Variants in ZNF366 observed in about 807,000 individuals in gnomAD.
The protein encoded by ZNF366 is zinc finger protein 366.
ZNF366 carries 20 observed loss-of-function variants against 47.2 expected under a neutral mutation model. The ratio of observed to expected loss-of-function variants is 0.42; its 90% CI spans 0.30 to 0.62. The LOEUF is 0.62. Ranked by LOEUF, ZNF366 falls within the 20% of genes least tolerant of loss-of-function variation. ZNF366 has a pLI of 0.16. For synonymous variants in ZNF366, 421 were observed against 395.1 expected (o/e 1.07, Z -0.78); for missense variants, 987 against 976.3 (o/e 1.01, Z -0.15).
intron 1 of ZNF366, among the ~76,000 whole-genome samples, chr5:72,496,053 G>A (rs1255579012): frequency 2.0e-5 from 3 of 151,500 alleles, no homozygotes; most frequent in African/African-American, 7.3e-5. Context: ...AACTATACAG[G>A]TTGGAGATTG....
chr5:72,491,648 C>T (rs561323920), intron 1 of ZNF366, among the ~76,000 whole-genome samples: 2 of 152,220 alleles, frequency 1.3e-5, no homozygotes, highest in South Asian at 2.1e-4. Flanking sequence ...CACCTGATAC[C>T]AGAAAAAGAC....
intron 1 of ZNF366, among the ~76,000 whole-genome samples, chr5:72,482,008 C>T (rs533412290): frequency 5.0e-4 from 76 of 152,254 alleles, no homozygotes; most frequent in African/African-American, 1.7e-3. Flanking sequence ...TCAGGAATCT[C>T]GGTTCATATA....
In ZNF366 at chr5:72,447,272, C is replaced by T. The variant is rs771244069; in HGVS notation, c.1670G>A (p.Gly557Glu). The T allele has an allele frequency of 5.2e-5, 84 of 1,614,098 alleles. No homozygotes were observed. The highest frequency in any genetic ancestry group is 7.0e-5 in the Non-Finnish European group (83 of 1,180,036). ...NLTRHMKVKHGVMERGLHSQG... is the reference protein window; with the variant it reads ...NLTRHMKVKHEVMERGLHSQG... ...GGAATGAAGGCCCCGCTCCATGACTCCATGCTTGACTTTCATGTGGCGTGT... is the reference window on the plus strand; with the variant it reads ...GGAATGAAGGCCCCGCTCCATGACTTCATGCTTGACTTTCATGTGGCGTGT... The change falls in exon 4 of 5, where the codon GGA (glycine) becomes GAA (glutamate). Residue 557 changes from glycine to glutamate, a missense_variant. By Grantham distance (98) the Gly-to-Glu change is moderately conservative. Transcript: ENST00000318442.
intron 1 of ZNF366, among the ~76,000 whole-genome samples, chr5:72,490,980 C>T (rs987795079): frequency 6.6e-6 from 1 of 152,184 alleles, no homozygotes; most frequent in Non-Finnish European, 1.5e-5. Flanking sequence ...CTTTCCCTGA[C>T]CTGTGGACTC....
chr5:72,484,996 A>G (rs1359757447), intron 1 of ZNF366, among the ~76,000 whole-genome samples: 2 of 152,224 alleles, frequency 1.3e-5, no homozygotes, highest in East Asian at 3.8e-4. Context: ...GCTGTGCTGT[A>G]TAATTCAGTA....
intron 1 of ZNF366, among the ~76,000 whole-genome samples, chr5:72,479,404 T>TA (rs1455385278): frequency 6.6e-6 from 1 of 151,348 alleles, no homozygotes; most frequent in Admixed American, 6.6e-5. Context: ...CTCTATTTAT[T>TA]AAAAAAATTA....
intron 1 of ZNF366, among the ~76,000 whole-genome samples, chr5:72,485,834 A>C (rs1743881583): frequency 6.6e-6 from 1 of 150,690 alleles, no homozygotes; most frequent in African/African-American, 2.4e-5. Context: ...TTCCACTCCC[A>C]CTCTCCAGCC....
chr5:72,479,588 T>C (rs1743745636), intron 1 of ZNF366, among the ~76,000 whole-genome samples: 1 of 152,030 alleles, frequency 6.6e-6, no homozygotes, highest in South Asian at 2.1e-4. Context: ...CAACTTAAAG[T>C]AGAAAATTGG....
intron 1 of ZNF366, among the ~76,000 whole-genome samples, chr5:72,473,568 T>C (rs1440018624): frequency 6.6e-6 from 1 of 152,240 alleles, no homozygotes; most frequent in Non-Finnish European, 1.5e-5. Flanking sequence ...TCCTTCCTCG[T>C]TGCCTTTGTT....
At chr5:72,467,148 C>T (rs1743445292) in intron 1 of ZNF366, among the ~76,000 whole-genome samples, 1 of 152,218 alleles carries the variant, frequency 6.6e-6, no homozygotes, top group African/African-American at 2.4e-5. Context: ...AATAATCATA[C>T]ATTTTCATTG....
chr5:72,474,289 C>T (rs762364935), intron 1 of ZNF366, among the ~76,000 whole-genome samples: 1 of 152,122 alleles, frequency 6.6e-6, no homozygotes, highest in Non-Finnish European at 1.5e-5. Context: ...GGCTCCTGCA[C>T]GGAGCTGGGG....
intron 1 of ZNF366, among the ~76,000 whole-genome samples, chr5:72,481,429 A>C (rs778801271): frequency 2.0e-5 from 3 of 152,182 alleles, no homozygotes; most frequent in Non-Finnish European, 4.4e-5. Context: ...ATTTTCTTTT[A>C]CAGCACTACT....
At chr5:72,446,700 C>T (rs1234444903) in intron 4 of ZNF366, among the ~76,000 whole-genome samples, 1 of 152,168 alleles carries the variant, frequency 6.6e-6, no homozygotes, top group Non-Finnish European at 1.5e-5. Context: ...GTAGGAAAGA[C>T]CTAGCCTGCT....
At chr5:72,444,411 A>T in intron 4 of ZNF366, 120 bp from the exon 5 acceptor site, 1 of 1,141,170 alleles carries the variant, frequency 8.8e-7, no homozygotes. Flanking sequence ...AAAATAGATC[A>T]TTCCCAGTAA....
intron 1 of ZNF366, among the ~76,000 whole-genome samples, chr5:72,466,110 C>G (rs1044173439): frequency 6.6e-6 from 1 of 152,176 alleles, no homozygotes; most frequent in Non-Finnish European, 1.5e-5. Flanking sequence ...CTCATGGCAT[C>G]TGGGCCTCTG....
chr5:72,505,572 C>A (rs1402764550), intron 1 of ZNF366, among the ~76,000 whole-genome samples: 1 of 152,136 alleles, frequency 6.6e-6, no homozygotes, highest in Non-Finnish European at 1.5e-5. Context: ...TCATTTGTTT[C>A]CTATTGTGTT....
intron 1 of ZNF366, among the ~76,000 whole-genome samples, chr5:72,506,492 G>A (rs940098421): frequency 1.3e-5 from 2 of 152,182 alleles, no homozygotes; most frequent in African/African-American, 4.8e-5. Context: ...AATTGCGTCT[G>A]TAACTTAGTT....
chr5:72,503,976 T>A (rs568379340), intron 1 of ZNF366, among the ~76,000 whole-genome samples: 1 of 152,114 alleles, frequency 6.6e-6, no homozygotes, highest in Non-Finnish European at 1.5e-5. Flanking sequence ...AAACTAACGG[T>A]CATACAGGTT....
intron 2 of ZNF366, among the ~76,000 whole-genome samples, chr5:72,458,018 T>C (rs576571373): frequency 8.5e-5 from 12 of 141,488 alleles, no homozygotes; most frequent in Non-Finnish European, 1.5e-4. Flanking sequence ...CTTTCTTTTT[T>C]TTTTTTTTTT....
Sources: gnomAD v4.1 joint callset for allele counts (sites outside exome capture counted in the v4.1 genomes callset) on GRCh38, gnomAD v4.1.1 for gene constraint, MANE v1.5 for transcripts, NCBI Gene and HGNC (gene_info 2026-07-23, HGNC 2026-07-21) for gene names.